Variants in SSBP2 observed in about 807,000 individuals in gnomAD.
SSBP2 encodes single stranded DNA binding protein 2, also known as single-stranded DNA-binding protein 2.
Under a neutral mutation model 61.8 loss-of-function variants are expected in SSBP2, and 17 were observed. The ratio of observed to expected loss-of-function variants is 0.28; its 90% CI spans 0.19 to 0.41. The LOEUF (loss-of-function observed/expected upper bound fraction) is 0.41, where lower values mean the gene tolerates loss of function less well. Ranked by LOEUF, SSBP2 falls within the 10% of genes least tolerant of loss-of-function variation. SSBP2 has a pLI of 1.00. For missense variants in SSBP2, 310 were observed against 458.7 expected, an observed-to-expected ratio of 0.68 and a Z score of 2.96; for synonymous variants, 139 against 141.3, an observed-to-expected ratio of 0.98 and a Z score of 0.12.
chr5:81,597,572 G>A (rs1464864960), intron 4 of SSBP2, among the ~76,000 whole-genome samples: 20 of 151,996 alleles, frequency 1.3e-4, no homozygotes, highest in South Asian at 2.1e-4. Context: ...TGTTTACTGC[G>A]GCACTATTCA....
chr5:81,488,363 T>G (rs993313834), intron 6 of SSBP2, among the ~76,000 whole-genome samples: 5 of 152,056 alleles, frequency 3.3e-5, no homozygotes, highest in Admixed American at 1.3e-4. Context: ...TCCCTTTTCT[T>G]TACATACTTG....
At chr5:81,488,036 TATATATATATATATATATATATAA>T (rs1561459217) in intron 6 of SSBP2, among the ~76,000 whole-genome samples, 2 of 18,266 alleles carry the variant, frequency 1.1e-4, no homozygotes, top group African/African-American at 1.1e-3. Context: ...TATATATATA[TATATATATATATATATATATATAA>T]ATAAAATATC....
chr5:81,735,498 T>C (rs1756537234), intron 1 of SSBP2, among the ~76,000 whole-genome samples: 2 of 152,222 alleles, frequency 1.3e-5, no homozygotes, highest in Non-Finnish European at 2.9e-5. Flanking sequence ...AAATCATCTC[T>C]AGATTACTTA....
rs535871021 is a variant in SSBP2, at chr5:81,483,945, A to G, written c.432+5305T>C. Among the ~76,000 whole-genome samples the G allele has an allele frequency of 1.5e-4, 23 of 152,292 alleles. 2 individuals are homozygous for G. The South Asian group carries it at 4.8e-3, about 32-fold the overall frequency. ...TCCTATCTCAAGTGCTCAAGTACTA[A>G]AACTACTGCATATGATAAATGCAGG... On this transcript the variant is annotated intron_variant, in intron 6 of 16. Coordinates refer to ENST00000320672, the MANE Select transcript of SSBP2 (RefSeq NM_012446.5).
chr5:81,627,385 T>A (rs906685620), intron 3 of SSBP2, among the ~76,000 whole-genome samples: 6 of 152,198 alleles, frequency 3.9e-5, no homozygotes, highest in Non-Finnish European at 5.9e-5. Context: ...TCTTATACGA[T>A]GCTTAGTTTA....
At chr5:81,420,666 C>T in intron 16 of SSBP2, 133 bp from the exon 17 acceptor site, 1 of 707,244 alleles carries the variant, frequency 1.4e-6, no homozygotes, top group Admixed American at 2.8e-5. Context: ...TCTCATACAA[C>T]ATAAAATAAG....
rs1761195438 is a variant in SSBP2, at chr5:81,412,956, T to C, written c.*7548A>G. 1 of 152,208 alleles carries C rather than the reference T, an allele frequency of 6.6e-6. No homozygotes were observed. Among genetic ancestry groups the C allele is most frequent in the Non-Finnish European group, 1.5e-5 (1 of 68,028 alleles). The allele number at this position is 152,208 out of a possible 1,614,324, so 9.4% of individuals were successfully genotyped here. A position where few individuals can be genotyped will look rare whatever the true frequency, so the allele number is the denominator to read the frequency against. ...CTCTTCTTCCATGCATATAGATCCT[T>C]TGATATTAGAACCTCCTGAATTTTA... On this transcript the variant is annotated 3_prime_UTR_variant, in exon 17 of 17. Transcript: ENST00000320672.
intron 2 of SSBP2, among the ~76,000 whole-genome samples, chr5:81,649,630 G>A (rs1011406176): frequency 6.6e-6 from 1 of 152,000 alleles, no homozygotes; most frequent in Non-Finnish European, 1.5e-5. Context: ...AGAGGTGAGA[G>A]GGAGGGAGGG....
intron 4 of SSBP2, among the ~76,000 whole-genome samples, chr5:81,612,284 CT>C (rs1465799523): frequency 1.3e-5 from 2 of 152,122 alleles, no homozygotes; most frequent in Non-Finnish European, 2.9e-5. Context: ...ATAAGAAATG[CT>C]AAATGCCTGT....
chr5:81,627,658 ATATTT>A (rs1462974881), intron 3 of SSBP2, among the ~76,000 whole-genome samples: 3 of 152,222 alleles, frequency 2.0e-5, no homozygotes, highest in African/African-American at 7.2e-5. Context: ...GAATAATCTT[ATATTT>A]TATTTTCTCT....
At chr5:81,549,099 C>G (rs1344614928) in intron 4 of SSBP2, among the ~76,000 whole-genome samples, 1 of 152,124 alleles carries the variant, frequency 6.6e-6, no homozygotes, top group African/African-American at 2.4e-5. Context: ...AAGCTATTAT[C>G]TGGCTTCAAG....
chr5:81,750,894 G>A (rs1757723325), intron 1 of SSBP2, 87 bp downstream of exon 1: 2 of 1,433,260 alleles, frequency 1.4e-6, no homozygotes, highest in Non-Finnish European at 1.9e-6. Flanking sequence ...CGGGCGGAGA[G>A]TGTCTGTGTC....
At chr5:81,688,162 A>G (rs1288649598) in intron 1 of SSBP2, among the ~76,000 whole-genome samples, 1 of 152,112 alleles carries the variant, frequency 6.6e-6, no homozygotes, top group Non-Finnish European at 1.5e-5. Flanking sequence ...GGCCTGGGGT[A>G]ATAGGAGCCA....
chr5:81,467,702 T>C (rs10044074), intron 8 of SSBP2, among the ~76,000 whole-genome samples: 19,342 of 151,968 alleles, frequency 0.13, 2,807 homozygotes, highest in African/African-American at 0.35. Flanking sequence ...TTAGTTGCCA[T>C]AGGGACAAAA....
At chr5:81,751,195 G>C, upstream of SSBP2, 3 of 778,930 alleles carry the variant, frequency 3.9e-6, no homozygotes, top group Non-Finnish European at 6.3e-6. Flanking sequence ...GGCAACGCGC[G>C]AGACTGACAG....
At chr5:81,742,182 AG>A (rs1376757573) in intron 1 of SSBP2, among the ~76,000 whole-genome samples, 1 of 152,228 alleles carries the variant, frequency 6.6e-6, no homozygotes, top group Non-Finnish European at 1.5e-5. Context: ...AAAACTATAA[AG>A]TACAATTTCA....
chr5:81,597,524 T>C lies in SSBP2; in HGVS notation c.282+17949A>G, dbSNP rs62366267. 5.0e-3 allele frequency among the ~76,000 whole-genome samples: 761 copies of C among 152,152 alleles called. 4 individuals are homozygous for C. The highest frequency in any genetic ancestry group is 8.0e-3 in the Admixed American group (123 of 15,280). Reference sequence around the variant, plus strand: ...CATTACTGGGTATATACCCAAAGGATTATAAATCATGCTGCTATAAAGACA... The same window carrying C: ...CATTACTGGGTATATACCCAAAGGACTATAAATCATGCTGCTATAAAGACA... On this transcript the variant is annotated intron_variant, in intron 4 of 16. Coordinates refer to ENST00000320672, the MANE Select transcript of SSBP2 (RefSeq NM_012446.5).
intron 16 of SSBP2, among the ~76,000 whole-genome samples, chr5:81,421,027 G>A (rs1322792221): frequency 6.6e-6 from 1 of 152,006 alleles, no homozygotes; most frequent in Non-Finnish European, 1.5e-5. Flanking sequence ...TGTATTTATT[G>A]AATACACAGA....
At chr5:81,593,726 A>G (rs1340224855) in intron 4 of SSBP2, among the ~76,000 whole-genome samples, 1 of 152,214 alleles carries the variant, frequency 6.6e-6, no homozygotes, top group Non-Finnish European at 1.5e-5. Context: ...CCAGAATCTC[A>G]TATCCAGCCA....
Sources: gnomAD v4.1 joint callset for allele counts (sites outside exome capture counted in the v4.1 genomes callset) on GRCh38, gnomAD v4.1.1 for gene constraint, MANE v1.5 for transcripts, NCBI Gene and HGNC (gene_info 2026-07-23, HGNC 2026-07-21) for gene names.